The following ADGB variants were observed in gnomAD, a reference collection of about 807,000 sequenced individuals.
ADGB encodes the protein calpain-7-like protein.
A neutral mutation model predicts 210.5 loss-of-function variants in ADGB; 172 were observed. The ratio of observed to expected loss-of-function variants is 0.82; its 90% CI spans 0.72 to 0.93. The LOEUF is 0.93. ADGB is among the 40% of genes least tolerant of loss of function. ADGB has a pLI of 0.00. For missense variants in ADGB, 2,025 were observed against 1,964.8 expected (o/e 1.03, Z -0.58); for synonymous variants, 658 against 662.7 (o/e 0.99, Z 0.11).
At chr6:146,609,841 G>A (rs564770639) in intron 1 of ADGB, among the ~76,000 whole-genome samples, 4 of 152,164 alleles carry the variant, frequency 2.6e-5, no homozygotes, top group South Asian at 2.1e-4. Context: ...TTCCCTTTTG[G>A]CAGTGAATCT....
chr6:146,618,147 A>G (rs1780831571), intron 1 of ADGB, among the ~76,000 whole-genome samples: 1 of 152,024 alleles, frequency 6.6e-6, no homozygotes, highest in African/African-American at 2.4e-5. Context: ...AAAGGTCTCC[A>G]TCATAACACC....
intron 1 of ADGB, among the ~76,000 whole-genome samples, chr6:146,630,401 T>C (rs1781046353): frequency 1.3e-5 from 2 of 151,470 alleles, no homozygotes; most frequent in Non-Finnish European, 1.5e-5. Context: ...AAGAAGAGAA[T>C]ACAAATACTT....
At chr6:146,634,366 T>C (rs1236999221) in intron 1 of ADGB, among the ~76,000 whole-genome samples, 3 of 152,150 alleles carry the variant, frequency 2.0e-5, no homozygotes, top group African/African-American at 7.2e-5. Flanking sequence ...TATATTTTAC[T>C]TAATTTATGA....
At chr6:146,650,487 A>G (rs565946507) in intron 3 of ADGB, among the ~76,000 whole-genome samples, 9 of 151,312 alleles carry the variant, frequency 5.9e-5, no homozygotes, top group African/African-American at 1.9e-4. Flanking sequence ...ACAAGCCACA[A>G]TATGTAACCA....
chr6:146,780,250 A>T (rs1777779556), intron 29 of ADGB, among the ~76,000 whole-genome samples: 1 of 152,170 alleles, frequency 6.6e-6, no homozygotes, highest in Admixed American at 6.5e-5. Flanking sequence ...ACAAATAAAA[A>T]ACAAGGGAAT....
intron 2 of ADGB, among the ~76,000 whole-genome samples, chr6:146,637,586 A>G (rs1371404038): frequency 6.6e-6 from 1 of 151,980 alleles, no homozygotes; most frequent in African/African-American, 2.4e-5. Context: ...CAGACCAGCT[A>G]TAGCATTCTG....
intron 13 of ADGB, 66 bp downstream of exon 13, chr6:146,701,136 G>T: frequency 6.7e-7 from 1 of 1,483,422 alleles, no homozygotes. Flanking sequence ...CTTACATTGT[G>T]AAACATACTA....
At chr6:146,739,639 A>C (rs536477260) in intron 23 of ADGB, among the ~76,000 whole-genome samples, 1 of 152,286 alleles carries the variant, frequency 6.6e-6, no homozygotes, top group South Asian at 2.1e-4. Flanking sequence ...ACAATCGATG[A>C]AAACATCTGC....
At chr6:146,802,756 G>C in intron 35 of ADGB, 1 of 1,578,852 alleles carries the variant, frequency 6.3e-7, no homozygotes, top group Non-Finnish European at 8.7e-7. Context: ...GTTCAGGGAT[G>C]TTTTGAAAAA....
rs1468066182 is a variant in ADGB, at chr6:146,782,023, A to G, written c.3866A>G (p.Tyr1289Cys). The G allele has an allele frequency of 6.7e-7, 1 of 1,482,076 alleles. No individual in the cohort carries two copies. The highest frequency in any genetic ancestry group is 8.9e-7 in the Non-Finnish European group (1 of 1,121,764). The allele number at this position is 1,482,076 out of a possible 1,614,324, so 91.8% of individuals were successfully genotyped here. The change falls in exon 30 of 36, where the codon TAT becomes TGT. Residue 1289 changes from tyrosine to cysteine, a missense_variant. By Grantham distance (194) the Tyr-to-Cys change is radical. Coordinates refer to ENST00000397944, the MANE Select transcript of ADGB (RefSeq NM_024694.4). ...KDLKKSNTKA[Y>C]GERHEELINL... ...TTTTATTTTTATGTCTCTCTAGCTT[A>G]TGGTGAAAGACACGAGGAGTTAATT... is the stretch of plus-strand genomic sequence containing the variant.
chr6:146,798,676 GA>G (rs372001801), intron 33 of ADGB, among the ~76,000 whole-genome samples: 104 of 137,178 alleles, frequency 7.6e-4, no homozygotes, highest in African/African-American at 2.1e-3. Context: ...CTAAAAAACA[GA>G]AAAAAAAAAA....
In ADGB at chr6:146,815,040, A is replaced by T. The variant is rs779739694; in HGVS notation, c.4827A>T (p.Leu1609Phe). ...GTTTTGCTTTGGAACAGGACTCCTT[A>T]GATGAAGCCCGACAGAAAATTTTCG... The part of the protein sequence containing the change: ...LDMYKEMQDS[L>F]DEARQKIFDI... Residue 1609 changes from leucine to phenylalanine, a missense_variant, in exon 36 of 36, where the codon TTA (leucine) becomes TTT (phenylalanine). Transcript: ENST00000397944. 29 of 1,543,226 alleles carry T rather than the reference A, an allele frequency of 1.9e-5. No individual in the cohort carries two copies. The Admixed American group carries it at 4.0e-4, about 21-fold the overall frequency.
chr6:146,658,495 G>A lies in ADGB; in HGVS notation c.612+1515G>A, dbSNP rs576280621. 2.0e-5 allele frequency among the ~76,000 whole-genome samples: 3 copies of A among 152,204 alleles called. No homozygotes were observed. The East Asian group carries it at 5.8e-4, about 29-fold the overall frequency. On this transcript the variant is annotated intron_variant, in intron 5 of 35. Coordinates refer to ENST00000397944, the MANE Select transcript of ADGB (RefSeq NM_024694.4). Reference sequence around the variant, plus strand: ...CTGTCCCACATTTGTCTAAACTTGAGGTGGGAGGAAGGTCAAAACTATGAA... The same window carrying A: ...CTGTCCCACATTTGTCTAAACTTGAAGTGGGAGGAAGGTCAAAACTATGAA...
intron 3 of ADGB, among the ~76,000 whole-genome samples, chr6:146,647,142 A>C (rs1006880413): frequency 6.6e-6 from 1 of 151,352 alleles, no homozygotes; most frequent in African/African-American, 2.4e-5. Context: ...AAAAACACAA[A>C]AAACAAACAA....
At chr6:146,663,001 T>C (rs888214088) in intron 5 of ADGB, among the ~76,000 whole-genome samples, 11 of 145,786 alleles carry the variant, frequency 7.5e-5, no homozygotes, top group African/African-American at 2.7e-4. Flanking sequence ...TATCTTAATC[T>C]TAATAATATA....
At chr6:146,659,450 TC>T (rs1775826786) in intron 5 of ADGB, among the ~76,000 whole-genome samples, 1 of 152,180 alleles carries the variant, frequency 6.6e-6, no homozygotes, top group Admixed American at 6.6e-5. Context: ...AATTGATTTT[TC>T]TTCTCTGCCT....
intron 10 of ADGB, among the ~76,000 whole-genome samples, chr6:146,687,238 A>AAAGCCTCTCCCAAGTC (rs1280969078): frequency 6.6e-6 from 1 of 152,112 alleles, no homozygotes; most frequent in Non-Finnish European, 1.5e-5. Context: ...ATGTACTTCT[A>AAAGCCTCTCCCAAGTC]AAGCCTCTCC....
rs1236005079 is a variant in ADGB at position 146,691,192 on chromosome 6, G to A, written c.1388G>A (p.Arg463Lys). 1.3e-6 allele frequency: 2 copies of A among 1,549,088 alleles called. No homozygotes were observed. Among genetic ancestry groups the A allele is most frequent in the African/African-American group, 2.8e-5 (2 of 72,378 alleles). Residue 463 changes from arginine (R) to lysine (K), a missense_variant, in exon 11 of 36, where the codon AGG becomes AAG. Coordinates refer to ENST00000397944, the MANE Select transcript of ADGB (RefSeq NM_024694.4). Reference protein sequence around the residue: ...CSHPVLVTRSRSCPLVAPPKP... With the variant: ...CSHPVLVTRSKSCPLVAPPKP... ...CATCCTGTGCTGGTGACTAGAAGTA[G>A]GTCTTGTCCTCTGGTAGCACCACCA...
At chr6:146,667,907 C>T (rs1458971008) in intron 7 of ADGB, among the ~76,000 whole-genome samples, 1 of 151,984 alleles carries the variant, frequency 6.6e-6, no homozygotes, top group Non-Finnish European at 1.5e-5. Flanking sequence ...AACTAAAGCT[C>T]TCAGAGGTTG....
Sources: gnomAD v4.1 joint callset for allele counts (sites outside exome capture counted in the v4.1 genomes callset) on GRCh38, gnomAD v4.1.1 for gene constraint, MANE v1.5 for transcripts, NCBI Gene and HGNC (gene_info 2026-07-23, HGNC 2026-07-21) for gene names.